ITGA1: variants seen among roughly 807,000 people sequenced by gnomAD.
ITGA1 encodes integrin alpha-1.
In ITGA1, 85 loss-of-function variants were observed where a neutral mutation model predicts 145.9. That is an observed-to-expected ratio of 0.58 (90% CI 0.49 to 0.70). The LOEUF (loss-of-function observed/expected upper bound fraction) is 0.70. Ranked by LOEUF, ITGA1 falls within the 30% of genes least tolerant of loss-of-function variation. The pLI is 0.00. For missense variants in ITGA1, 1,351 were observed against 1,418.7 expected, an observed-to-expected ratio of 0.95 and a Z score of 0.77; for synonymous variants, 520 against 495.3, an observed-to-expected ratio of 1.05 and a Z score of -0.66.
intron 1 of ITGA1, among the ~76,000 whole-genome samples, 156 bp downstream of exon 1, chr5:52,788,570 G>A (rs888095750): frequency 2.0e-5 from 3 of 152,246 alleles, no homozygotes; most frequent in Non-Finnish European, 2.9e-5. Flanking sequence ...GGGGCAGGCA[G>A]GAGTTTCGCG....
chr5:52,855,196 A>G (rs1730693186), intron 2 of ITGA1, among the ~76,000 whole-genome samples: 1 of 152,184 alleles, frequency 6.6e-6, no homozygotes, highest in African/African-American at 2.4e-5. Context: ...GGGTCAGGAT[A>G]TGGAACACCA....
rs6873325 is a variant in ITGA1, at chr5:52,848,039, C to A, written c.62-1326C>A. On this transcript the variant is annotated intron_variant, in intron 1 of 28. Coordinates refer to ENST00000282588, the MANE Select transcript of ITGA1 (RefSeq NM_181501.2). ...CTATGAGAAAATTAAAAAGAATTAACCCTCATCAAATATGTAGTATGTGCC... is the reference window on the plus strand; with the variant it reads ...CTATGAGAAAATTAAAAAGAATTAAACCTCATCAAATATGTAGTATGTGCC... Among the ~76,000 whole-genome samples, 923 of 152,222 alleles carry A rather than the reference C, an allele frequency of 6.1e-3. 12 individuals are homozygous for A. Among genetic ancestry groups the A allele is most frequent in the African/African-American group, 0.021 (882 of 41,524 alleles).
At chr5:52,851,683 A>G (rs955502308) in intron 2 of ITGA1, among the ~76,000 whole-genome samples, 37 of 152,214 alleles carry the variant, frequency 2.4e-4, no homozygotes, top group Non-Finnish European at 4.7e-4. Context: ...GAACCATCAC[A>G]ATTCTACATA....
chr5:52,937,322 A>G, intron 23 of ITGA1, 79 bp from the exon 24 acceptor site: 3 of 899,890 alleles, frequency 3.3e-6, no homozygotes, highest in Admixed American at 1.9e-5. Context: ...TTCATCAGCT[A>G]GAAAACAAAG....
intron 1 of ITGA1, chr5:52,801,748 C>T: frequency 6.2e-7 from 1 of 1,614,088 alleles, no homozygotes; most frequent in Non-Finnish European, 8.5e-7. Flanking sequence ...TGGGGAACAG[C>T]TCAGCCAGTT....
intron 1 of ITGA1, among the ~76,000 whole-genome samples, chr5:52,826,407 G>A (rs908223230): frequency 1.3e-5 from 2 of 152,240 alleles, no homozygotes; most frequent in African/African-American, 4.8e-5. Flanking sequence ...AAAGTGCAAG[G>A]TGAAGCAGCA....
chr5:52,945,674 A>C (rs1269869623), intron 27 of ITGA1, among the ~76,000 whole-genome samples: 3 of 152,216 alleles, frequency 2.0e-5, no homozygotes, highest in Admixed American at 1.3e-4. Context: ...CAGGCACTTC[A>C]GCATGATCTC....
intron 12 of ITGA1, among the ~76,000 whole-genome samples, chr5:52,908,119 G>T (rs1173106493): frequency 6.6e-6 from 1 of 152,150 alleles, no homozygotes; most frequent in Non-Finnish European, 1.5e-5. Flanking sequence ...ATGAGAGTTG[G>T]GGAAGAAGCC....
intron 6 of ITGA1, among the ~76,000 whole-genome samples, chr5:52,871,052 A>G (rs532939633): frequency 6.6e-6 from 1 of 152,352 alleles, no homozygotes; most frequent in African/African-American, 2.4e-5. Flanking sequence ...AGTGAAAACA[A>G]GTAGGAAAAC....
intron 1 of ITGA1, among the ~76,000 whole-genome samples, chr5:52,841,851 A>G (rs1580057088): frequency 6.6e-6 from 1 of 152,162 alleles, no homozygotes; most frequent in East Asian, 1.9e-4. Flanking sequence ...AGGAGTTTAT[A>G]CCATGTGAAT....
At chr5:52,951,772 G>A (rs1751224713) in intron 28 of ITGA1, among the ~76,000 whole-genome samples, 1 of 152,116 alleles carries the variant, frequency 6.6e-6, no homozygotes, top group African/African-American at 2.4e-5. Context: ...TGATGGCAAA[G>A]AAGAGACAAT....
intron 6 of ITGA1, among the ~76,000 whole-genome samples, chr5:52,873,577 G>A (rs2111791037): frequency 6.6e-6 from 1 of 152,254 alleles, no homozygotes; most frequent in East Asian, 1.9e-4. Flanking sequence ...CCTAGCCTCT[G>A]CTAACATAGC....
chr5:52,800,769 C>A, intron 1 of ITGA1: 1 of 1,614,122 alleles, frequency 6.2e-7, no homozygotes, highest in Non-Finnish European at 8.5e-7. Flanking sequence ...TGGAGCGCAT[C>A]GAGCAGGCCT....
chr5:52,904,751 G>T (rs1176118818), intron 11 of ITGA1: 2 of 151,868 alleles, frequency 1.3e-5, no homozygotes, highest in Non-Finnish European at 2.9e-5. Flanking sequence ...TACTCGGGAG[G>T]CTGAGGCAGG....
At chr5:52,921,582 C>CA (rs987187996) in intron 17 of ITGA1, among the ~76,000 whole-genome samples, 3 of 152,110 alleles carry the variant, frequency 2.0e-5, no homozygotes, top group African/African-American at 7.2e-5. Flanking sequence ...GGTATGAAAC[C>CA]AGATATGGCA....
At chr5:52,806,117 ATACTC>A (rs1051920806) in intron 1 of ITGA1, among the ~76,000 whole-genome samples, 3 of 152,046 alleles carry the variant, frequency 2.0e-5, no homozygotes, top group Non-Finnish European at 4.4e-5. Context: ...TTCAGTTTAT[ATACTC>A]TAAGAGATTC....
chr5:52,872,188 C>A (rs1172360611), intron 6 of ITGA1, among the ~76,000 whole-genome samples: 1 of 152,098 alleles, frequency 6.6e-6, no homozygotes, highest in Non-Finnish European at 1.5e-5. Flanking sequence ...CTTTTTACTG[C>A]TGATTTTATG....
At chr5:52,880,228 G>A (rs927201877) in intron 6 of ITGA1, among the ~76,000 whole-genome samples, 1 of 151,574 alleles carries the variant, frequency 6.6e-6, no homozygotes, top group Non-Finnish European at 1.5e-5. Context: ...TTCACTATAG[G>A]GATTGGGTGT....
At chr5:52,826,558 T>C (rs1483486703) in intron 1 of ITGA1, among the ~76,000 whole-genome samples, 1 of 152,194 alleles carries the variant, frequency 6.6e-6, no homozygotes, top group Non-Finnish European at 1.5e-5. Flanking sequence ...AGGACTTTCA[T>C]AGCTAGAGAG....
Sources: allele counts gnomAD v4.1 joint callset (sites outside exome capture counted in the v4.1 genomes callset), GRCh38; gene constraint gnomAD v4.1.1; transcripts MANE v1.5; gene names NCBI Gene and HGNC (gene_info 2026-07-23, HGNC 2026-07-21).